The following PHF20 variants were observed in gnomAD, a reference collection of about 807,000 sequenced individuals.
The protein encoded by PHF20 is PHD finger protein 20.
A neutral mutation model predicts 113.5 loss-of-function variants in PHF20; 23 were observed. That is an observed-to-expected ratio of 0.20 (90% CI 0.15 to 0.29). The LOEUF is 0.29. Among genes scored for constraint, PHF20 ranks in the 10% least tolerant of loss-of-function variants. The pLI, the probability that PHF20 is intolerant of heterozygous loss-of-function variation, is 1.00. For synonymous variants in PHF20, 434 were observed against 457.3 expected (o/e 0.95, Z 0.65); for missense variants, 943 against 1,219.6 (o/e 0.77, Z 3.38).
rs1304819004 is a variant in PHF20, at chr20:35,866,090, A to T, written c.808+2690A>T. On this transcript the variant is annotated intron_variant, in intron 6 of 17. Coordinates refer to ENST00000374012, the MANE Select transcript of PHF20 (RefSeq NM_016436.5). The stretch of plus-strand genomic sequence containing the variant: ...ATGAGCGTGGTGGCATGCACCTGTA[A>T]TCCCACCTACTTGGGAGGCTGAGGC... 2.0e-5 allele frequency among the ~76,000 whole-genome samples: 3 copies of T among 152,080 alleles called. No homozygotes were observed. The South Asian group carries it at 6.2e-4, about 32-fold the overall frequency.
chr20:35,825,220 G>A lies in PHF20; in HGVS notation c.84-17353G>A, dbSNP rs555834564. ...TTTATTTTGAAGAGATGGGAGTCTT[G>A]GTATTGGCCCAGACTGGACTCAAAC... On this transcript the variant is annotated intron_variant, in intron 2 of 17. Coordinates refer to ENST00000374012, the MANE Select transcript of PHF20 (RefSeq NM_016436.5). Among the ~76,000 whole-genome samples the A allele has an allele frequency of 3.3e-5, 5 of 152,272 alleles. No homozygotes were observed. The East Asian group carries it at 9.6e-4, about 29-fold the overall frequency.
At chr20:35,906,918 C>T (rs1040305548) in intron 10 of PHF20, among the ~76,000 whole-genome samples, 4 of 152,062 alleles carry the variant, frequency 2.6e-5, no homozygotes, top group Admixed American at 1.3e-4. Context: ...GGGTGGGACT[C>T]ATGGTAGGGG....
chr20:35,882,219 T>A (rs2054648606), intron 9 of PHF20, among the ~76,000 whole-genome samples: 1 of 152,222 alleles, frequency 6.6e-6, no homozygotes, highest in African/African-American at 2.4e-5. Flanking sequence ...CAAACTTTTA[T>A]ATACCATAGA....
intron 2 of PHF20, among the ~76,000 whole-genome samples, chr20:35,826,569 A>G (rs897685635): frequency 6.6e-6 from 1 of 152,240 alleles, no homozygotes; most frequent in East Asian, 1.9e-4. Context: ...AGAAGGCAGA[A>G]GGAATAACAT....
intron 2 of PHF20, among the ~76,000 whole-genome samples, chr20:35,840,356 C>G (rs1170318371): frequency 6.6e-6 from 1 of 152,054 alleles, no homozygotes; most frequent in African/African-American, 2.4e-5. Context: ...TTTGCCCCTT[C>G]CCACCTCTTA....
At chr20:35,926,482 G>A (rs1392293102) in intron 13 of PHF20, among the ~76,000 whole-genome samples, 3 of 151,750 alleles carry the variant, frequency 2.0e-5, no homozygotes, top group African/African-American at 4.8e-5. Context: ...CTCGTGATCC[G>A]CCCGCCTCGG....
chr20:35,904,713 CCA>C (rs2055166832), intron 10 of PHF20, among the ~76,000 whole-genome samples: 1 of 151,288 alleles, frequency 6.6e-6, no homozygotes, highest in South Asian at 2.1e-4. Flanking sequence ...TAGCAACCTG[CCA>C]CTGTTCCCTT....
intron 10 of PHF20, among the ~76,000 whole-genome samples, chr20:35,902,738 C>A (rs1005144277): frequency 1.3e-5 from 2 of 152,158 alleles, no homozygotes; most frequent in African/African-American, 2.4e-5. Context: ...AGAGAACTTG[C>A]GAAACTTCAA....
At chr20:35,941,088 T>A in intron 17 of PHF20, 41 bp downstream of exon 17, 1 of 1,553,414 alleles carries the variant, frequency 6.4e-7, no homozygotes, top group Non-Finnish European at 8.8e-7. Context: ...TGGCATGCAG[T>A]CGAGCACCCC....
intron 2 of PHF20, among the ~76,000 whole-genome samples, chr20:35,820,445 CTTTT>C (rs369532387): frequency 1.5e-5 from 2 of 129,612 alleles, no homozygotes; most frequent in African/African-American, 2.9e-5. Flanking sequence ...GGAATAAGTA[CTTTT>C]TTTTTTTTTT....
In PHF20 at chr20:35,938,751, A is replaced by G; in HGVS notation, c.2355A>G (p.Ser785=). 1 of 1,613,916 alleles carries G rather than the reference A, an allele frequency of 6.2e-7. No individual in the cohort carries two copies. The highest frequency in any genetic ancestry group is 2.2e-5 in the East Asian group (1 of 44,878). ...PLWCQPWKQH[S]GEGRSHFRNI... is the part of the protein sequence containing the mutation. ...GGTGCCAGCCTTGGAAACAGCACTC[A>G]GGGGAGGGGAGATCTCATTTCAGAA... The change falls in exon 16 of 18, where the codon TCA becomes TCG. Residue 785 remains serine (S), a synonymous_variant. Transcript: ENST00000374012.
rs116579542 is a variant in PHF20 at position 35,875,639 on chromosome 20, G to T, written c.1282+3810G>T. On this transcript the variant is annotated intron_variant, in intron 9 of 17. Transcript: ENST00000374012. Reference sequence around the variant, plus strand: ...TTACTAAAGTTCATATGTAAATGAGGTGGAAATTTAATCTCGGAATTTAGT... The same window carrying T: ...TTACTAAAGTTCATATGTAAATGAGTTGGAAATTTAATCTCGGAATTTAGT... 8.8e-3 allele frequency among the ~76,000 whole-genome samples: 1,337 copies of T among 152,242 alleles called. 23 individuals carry two copies. Among genetic ancestry groups the T allele is most frequent in the African/African-American group, 0.031 (1,280 of 41,528 alleles).
At chr20:35,846,756 C>G (rs929561654) in intron 3 of PHF20, among the ~76,000 whole-genome samples, 18 of 152,094 alleles carry the variant, frequency 1.2e-4, no homozygotes, top group African/African-American at 4.1e-4. Flanking sequence ...GTCTTGTGTC[C>G]CAGCCCTTTT....
intron 6 of PHF20, among the ~76,000 whole-genome samples, chr20:35,868,302 G>A (rs893328549): frequency 6.8e-6 from 1 of 147,898 alleles, no homozygotes; most frequent in Non-Finnish European, 1.5e-5. Context: ...TCAAAAAAAA[G>A]TTAATAGTAA....
chr20:35,919,291 ACAGGCGTGAGCCACCG>A (rs1368683751), intron 13 of PHF20, among the ~76,000 whole-genome samples: 1 of 150,896 alleles, frequency 6.6e-6, no homozygotes, highest in Non-Finnish European at 1.5e-5. Context: ...TATTGGGATT[ACAGGCGTGAGCCACCG>A]CGCCTGGCAA....
At chr20:35,870,053 C>T (rs1347293628) in intron 7 of PHF20, among the ~76,000 whole-genome samples, 1 of 151,472 alleles carries the variant, frequency 6.6e-6, no homozygotes, top group African/African-American at 2.4e-5. Flanking sequence ...GCCTGTAATC[C>T]CAGCACTTTG....
chr20:35,858,495 C>T, intron 5 of PHF20, 114 bp downstream of exon 5: 1 of 583,502 alleles, frequency 1.7e-6, no homozygotes, highest in Non-Finnish European at 3.0e-6. Flanking sequence ...TTTCCTCCAT[C>T]TGACACAATT....
At chr20:35,854,200 T>C (rs903089062) in intron 4 of PHF20, among the ~76,000 whole-genome samples, 1 of 152,202 alleles carries the variant, frequency 6.6e-6, no homozygotes, top group Non-Finnish European at 1.5e-5. Context: ...TTGTTATGCA[T>C]CTCAGTTTTG....
At chr20:35,804,229 G>GTTTTTTTTTTTTTTTTTTT (rs1216930263) in intron 2 of PHF20, among the ~76,000 whole-genome samples, 1 of 99,584 alleles carries the variant, frequency 1.0e-5, no homozygotes, top group Non-Finnish European at 1.9e-5. Context: ...GCTACTGTAT[G>GTTTTTTTTTTTTTTTTTTT]TTTTTTTTTT....
Sources: allele counts gnomAD v4.1 joint callset (sites outside exome capture counted in the v4.1 genomes callset), GRCh38; gene constraint gnomAD v4.1.1; transcripts MANE v1.5; gene names NCBI Gene and HGNC (gene_info 2026-07-23, HGNC 2026-07-21).